Variants in ZNF317 observed in about 807,000 individuals in gnomAD.
The protein encoded by ZNF317 is KRAB-containing zinc finger protein 317.
A neutral mutation model predicts 23.4 loss-of-function variants in ZNF317; 17 were observed. That is an observed-to-expected ratio of 0.73 (90% CI 0.50 to 1.09). The LOEUF (loss-of-function observed/expected upper bound fraction) is 1.09. ZNF317 is among the 50% of genes least tolerant of loss of function. ZNF317 has a pLI of 0.00. For synonymous variants in ZNF317, 317 were observed against 314.9 expected (o/e 1.01, Z -0.07); for missense variants, 679 against 796.7 (o/e 0.85, Z 1.78).
chr19:9,145,250 G>A (rs985139911), intron 1 of ZNF317, among the ~76,000 whole-genome samples: 4 of 152,106 alleles, frequency 2.6e-5, no homozygotes, highest in Admixed American at 2.6e-4. Flanking sequence ...TCACCATGTT[G>A]GCCAGGCAGC....
In ZNF317 at chr19:9,161,083, G is replaced by A. The variant is rs376791164; in HGVS notation, c.1438G>A (p.Gly480Arg). The A allele has an allele frequency of 2.3e-5, 37 of 1,614,034 alleles. No homozygotes were observed. Among genetic ancestry groups the A allele is most frequent in the African/African-American group, 8.0e-5 (6 of 74,916 alleles). Residue 480 changes from glycine to arginine, a missense_variant, in exon 7 of 7, where the codon GGG becomes AGG. Transcript: ENST00000247956. The surrounding 1 kb of genome is among the most constrained non-coding windows in gnomAD (Gnocchi z 4.0). ...GAGACGCTACGAATGCGCCGCCTGC[G>A]GGAAAGTCTTCGGTGACTATTTATC... ...QERRYECAAC[G>R]KVFGDYLSRR...
intron 5 of ZNF317, 36 bp from the exon 6 acceptor site, chr19:9,158,790 T>C (rs200317688): frequency 1.4e-5 from 20 of 1,406,866 alleles, no homozygotes; most frequent in Non-Finnish European, 1.9e-5. Context: ...ACCATTTTCC[T>C]TTTCCAACAA....
chr19:9,148,696 TAAA>T (rs751771282), intron 1 of ZNF317, among the ~76,000 whole-genome samples: 13 of 152,170 alleles, frequency 8.5e-5, no homozygotes, highest in South Asian at 2.1e-4. Context: ...ATCATCAAAG[TAAA>T]AAGTCTCTAC....
intron 1 of ZNF317, among the ~76,000 whole-genome samples, chr19:9,149,299 C>T (rs904988965): frequency 6.6e-6 from 1 of 151,990 alleles, no homozygotes; most frequent in Non-Finnish European, 1.5e-5. Context: ...CATGGTGAAA[C>T]CCTGTCTCTA....
rs1465213753 is a variant in ZNF317 at position 9,162,024 on chromosome 19, A to G, written c.*591A>G. The G allele has an allele frequency of 6.6e-6, 1 of 152,398 alleles. No homozygotes were observed. The highest frequency in any genetic ancestry group is 2.4e-5 in the African/African-American group (1 of 41,428). 9.4% of individuals were successfully genotyped at this position (152,398 alleles called of 1,614,324 possible). On this transcript the variant is annotated 3_prime_UTR_variant, in exon 7 of 7. Transcript: ENST00000247956. ...TAAGGAAGAAGAATGTTTGATGGAG[A>G]AAATTTGTGGCCAATGAAGTCTGAA...
chr19:9,157,882 C>T, intron 4 of ZNF317, 98 bp from the exon 5 acceptor site: 1 of 1,440,484 alleles, frequency 6.9e-7, no homozygotes, highest in Non-Finnish European at 9.1e-7. Flanking sequence ...CTTGTCCACC[C>T]TCAGAACACT....
intron 1 of ZNF317, among the ~76,000 whole-genome samples, chr19:9,143,415 T>C (rs2050652085): frequency 6.6e-6 from 1 of 152,190 alleles, no homozygotes; most frequent in Non-Finnish European, 1.5e-5. Flanking sequence ...GTTTCTTATG[T>C]TGAATGCCTG....
chr19:9,148,446 T>G (rs1384640388), intron 1 of ZNF317, among the ~76,000 whole-genome samples: 4 of 152,096 alleles, frequency 2.6e-5, no homozygotes, highest in Admixed American at 1.3e-4. Flanking sequence ...GGCCCCAGGG[T>G]GTTGGGCTAA....
chr19:9,156,499 G>A (rs2050784287), intron 2 of ZNF317, 113 bp from the exon 3 acceptor site: 3 of 1,344,604 alleles, frequency 2.2e-6, no homozygotes, highest in Admixed American at 2.1e-5. Flanking sequence ...GAGAGAGAGA[G>A]GATTGAGGAT....
chr19:9,148,680 T>C (rs1215772193), intron 1 of ZNF317, among the ~76,000 whole-genome samples: 1 of 151,078 alleles, frequency 6.6e-6, no homozygotes, highest in Admixed American at 6.7e-5. Flanking sequence ...GAATGGTGAA[T>C]GAAATATCAT....
intron 6 of ZNF317, among the ~76,000 whole-genome samples, chr19:9,159,228 G>C (rs989074961): frequency 6.6e-6 from 1 of 151,928 alleles, no homozygotes; most frequent in African/African-American, 2.4e-5. Flanking sequence ...TTTATTTTTT[G>C]GGGGGCAGAC....
intron 6 of ZNF317, 147 bp from the exon 7 acceptor site, chr19:9,159,967 G>A: frequency 8.6e-7 from 1 of 1,157,684 alleles, no homozygotes; most frequent in Non-Finnish European, 1.2e-6. Context: ...AATGGGGCAG[G>A]GACAGCACGT....
At position 9,140,507 on chromosome 19, in the gene ZNF317, G is replaced by A. The variant is rs1257951913; in HGVS notation, c.-178G>A. ...TGTTGGGGACCCCTCGTGTCCCCAC[G>A]CCAGACTGGACCTCCCGTATGAACT... On this transcript the variant is annotated 5_prime_UTR_variant, in exon 1 of 7. Transcript: ENST00000247956. The A allele has an allele frequency of 1.8e-5, 8 of 456,406 alleles. No individual in the cohort carries two copies. Among genetic ancestry groups the A allele is most frequent in the Non-Finnish European group, 3.5e-5 (8 of 226,914 alleles). 28.3% of individuals were successfully genotyped at this position (456,406 alleles called of 1,614,324 possible). A position where few individuals can be genotyped will look rare whatever the true frequency, so the allele number is the denominator to read the frequency against.
At chr19:9,157,858 G>A in intron 4 of ZNF317, 122 bp from the exon 5 acceptor site, 1 of 1,408,360 alleles carries the variant, frequency 7.1e-7, no homozygotes, top group Non-Finnish European at 9.3e-7. Context: ...CCATTTTGCT[G>A]CTCCTAAGTC....
chr19:9,160,573 C>T lies in ZNF317; in HGVS notation c.928C>T (p.Gln310Ter). Residue 310 changes from glutamine to a stop codon, truncating the protein, a stop_gained, in exon 7 of 7, where the codon CAG becomes TAG. Coordinates refer to ENST00000247956, the MANE Select transcript of ZNF317 (RefSeq NM_020933.5). LOFTEE classifies it low-confidence loss of function (END_TRUNC). The surrounding 1 kb of genome is among the most constrained non-coding windows in gnomAD (Gnocchi z 6.8). Reference protein sequence around the residue: ...HTGERPYKCDQCGKAYGRSCH... With the variant: ...HTGERPYKCD ...TGGCGAGAGGCCTTACAAGTGTGAT[C>T]AGTGCGGGAAGGCTTACGGCCGGAG... 2 of 1,614,202 alleles carry T rather than the reference C, an allele frequency of 1.2e-6. No homozygotes were observed. The highest frequency in any genetic ancestry group is 1.7e-6 in the Non-Finnish European group (2 of 1,180,040).
rs190413023 is a variant in ZNF317, at chr19:9,147,716, C to T, written c.-93+7124C>T. Among the ~76,000 whole-genome samples the T allele has an allele frequency of 1.1e-3, 160 of 152,284 alleles. 1 individual carries two copies. The highest frequency in any genetic ancestry group is 3.4e-3 in the African/African-American group (141 of 41,568). ...TCATAGATCCTACAGCTGTTCTAGA[C>T]ACCCTGCTCCACATCCTGCTGGGGT... is the stretch of plus-strand genomic sequence containing the variant. On this transcript the variant is annotated intron_variant, in intron 1 of 6. Transcript: ENST00000247956.
chr19:9,142,080 G>A, intron 1 of ZNF317, among the ~76,000 whole-genome samples: 1 of 152,172 alleles, frequency 6.6e-6, no homozygotes, highest in Non-Finnish European at 1.5e-5. Flanking sequence ...TGCTGGGATT[G>A]CAGGAGAGAG....
chr19:9,147,963 T>C (rs1227926170), intron 1 of ZNF317, among the ~76,000 whole-genome samples: 4 of 152,120 alleles, frequency 2.6e-5, no homozygotes, highest in Non-Finnish European at 5.9e-5. Context: ...GGCACTGTCC[T>C]CGTGATGGCG....
intron 6 of ZNF317, among the ~76,000 whole-genome samples, chr19:9,159,907 A>G (rs2050828222): frequency 6.6e-6 from 1 of 152,206 alleles, no homozygotes; most frequent in African/African-American, 2.4e-5. Context: ...AAAGTAACAC[A>G]TGTGGAGCCT....
Sources: gnomAD v4.1 joint callset for allele counts (sites outside exome capture counted in the v4.1 genomes callset) on GRCh38, gnomAD v4.1.1 for gene constraint, Gnocchi (gnomAD v3.1) non-coding constraint, MANE v1.5 for transcripts, NCBI Gene and HGNC (gene_info 2026-07-23, HGNC 2026-07-21) for gene names.